The following CECR2 variants were observed in gnomAD, a reference collection of about 807,000 sequenced individuals.
CECR2 encodes the protein CECR2 histone acetyl-lysine reader.
CECR2 carries 30 observed loss-of-function variants against 154.5 expected under a neutral mutation model. The ratio of observed to expected loss-of-function variants is 0.19; its 90% CI spans 0.15 to 0.26. The LOEUF is 0.26. Ranked by LOEUF, CECR2 falls within the 10% of genes least tolerant of loss-of-function variation. The pLI is 1.00. For missense variants in CECR2, 1,743 were observed against 1,829.3 expected, an observed-to-expected ratio of 0.95 and a Z score of 0.86; for synonymous variants, 725 against 683.7, an observed-to-expected ratio of 1.06 and a Z score of -0.94.
intron 1 of CECR2, among the ~76,000 whole-genome samples, chr22:17,380,344 A>G (rs1166590506): frequency 6.6e-6 from 1 of 152,216 alleles, no homozygotes; most frequent in Non-Finnish European, 1.5e-5. Flanking sequence ...GCAAAAATAT[A>G]TAGAAGATAG....
At chr22:17,479,897 T>A (rs2055277327) in intron 2 of CECR2, among the ~76,000 whole-genome samples, 1 of 150,770 alleles carries the variant, frequency 6.6e-6, no homozygotes, top group South Asian at 2.1e-4. Context: ...CCTGAGTAGC[T>A]CAGGACAGGA....
intron 1 of CECR2, among the ~76,000 whole-genome samples, chr22:17,389,128 T>G (rs1256118791): frequency 6.6e-6 from 1 of 152,120 alleles, no homozygotes; most frequent in African/African-American, 2.4e-5. Flanking sequence ...AAACTTTATT[T>G]TTAAGTAATG....
chr22:17,458,319 G>A (rs975063397), intron 1 of CECR2, among the ~76,000 whole-genome samples: 1 of 151,704 alleles, frequency 6.6e-6, no homozygotes, highest in African/African-American at 2.4e-5. Flanking sequence ...AGAGGCTAAG[G>A]CAGAGAATTG....
chr22:17,408,360 C>G (rs1011790469), intron 1 of CECR2, among the ~76,000 whole-genome samples: 3 of 152,140 alleles, frequency 2.0e-5, no homozygotes, highest in African/African-American at 7.2e-5. Flanking sequence ...CATTCTTCCT[C>G]TTGCTAGCTG....
At chr22:17,532,024 G>A (rs2056362989) in intron 9 of CECR2, among the ~76,000 whole-genome samples, 2 of 152,026 alleles carry the variant, frequency 1.3e-5, no homozygotes, top group South Asian at 2.1e-4. Flanking sequence ...TTAAAAATTA[G>A]CCAGACATGG....
At chr22:17,551,906 A>G (rs1418242717) in intron 17 of CECR2, 125 bp from the exon 18 acceptor site, 10 of 850,834 alleles carry the variant, frequency 1.2e-5, no homozygotes, top group East Asian at 5.3e-5. Flanking sequence ...TTGTCCCAGT[A>G]TGGATGATTC....
intron 14 of CECR2, among the ~76,000 whole-genome samples, chr22:17,541,513 A>G (rs991025893): frequency 6.6e-6 from 1 of 152,272 alleles, no homozygotes; most frequent in Non-Finnish European, 1.5e-5. Context: ...ATGAATGTAC[A>G]GTATATCTGC....
intron 1 of CECR2, chr22:17,419,489 T>C (rs1212934334): frequency 1.1e-5 from 2 of 188,260 alleles, no homozygotes; most frequent in African/African-American, 3.2e-5. Context: ...AAACAGAGCC[T>C]CATCAGGAAG....
chr22:17,437,373 C>T (rs939590966), intron 1 of CECR2, among the ~76,000 whole-genome samples: 2 of 152,086 alleles, frequency 1.3e-5, no homozygotes, highest in Admixed American at 6.6e-5. Flanking sequence ...CAGGATCGGC[C>T]AGCTTAGTCT....
chr22:17,418,016 G>C (rs2054181019), intron 1 of CECR2, among the ~76,000 whole-genome samples: 1 of 151,906 alleles, frequency 6.6e-6, no homozygotes, highest in African/African-American at 2.4e-5. Context: ...TCATCTTTGA[G>C]GTATAATTTG....
In CECR2 at chr22:17,516,541, A is replaced by T. The variant is rs1342440438; in HGVS notation, c.954+4645A>T. Among the ~76,000 whole-genome samples, 6 of 152,060 alleles carry T rather than the reference A, an allele frequency of 3.9e-5. No homozygotes were observed. The East Asian group carries it at 1.2e-3, about 29-fold the overall frequency. Reference sequence around the variant, plus strand: ...CTGGTAGGAGGTGATGAATCATGGGATGGACTTCCCCCTTGCTGTTCTTGT... The same window carrying T: ...CTGGTAGGAGGTGATGAATCATGGGTTGGACTTCCCCCTTGCTGTTCTTGT... On this transcript the variant is annotated intron_variant, in intron 8 of 18. Coordinates refer to ENST00000262608, the MANE Select transcript of CECR2 (RefSeq NM_001290047.2).
At chr22:17,361,385 C>G (rs1468123683) in intron 1 of CECR2, among the ~76,000 whole-genome samples, 4 of 151,802 alleles carry the variant, frequency 2.6e-5, no homozygotes, top group Admixed American at 2.0e-4. Context: ...ACTCAGGAGG[C>G]TGAGGCAGGA....
chr22:17,418,930 G>A, intron 1 of CECR2: 1 of 202,024 alleles, frequency 4.9e-6, no homozygotes, highest in South Asian at 6.8e-5. Context: ...CTGGACTGGT[G>A]GAGCCAGCGA....
upstream of CECR2, among the ~76,000 whole-genome samples, chr22:17,368,537 A>G (rs560365034): frequency 4.1e-4 from 62 of 152,278 alleles, no homozygotes; most frequent in Non-Finnish European, 5.0e-4. Flanking sequence ...ACCGCGCTAC[A>G]GCAGTTAGCA....
rs757929527 is a variant in CECR2 at position 17,477,627 on chromosome 22, A to T, written c.166A>T (p.Ile56Phe). Residue 56 changes from isoleucine (I) to phenylalanine (F), a missense_variant, in exon 2 of 19, where the codon ATC becomes TTC. Physicochemically the swap from Ile to Phe is conservative, Grantham distance 21. Coordinates refer to ENST00000262608, the MANE Select transcript of CECR2 (RefSeq NM_001290047.2). ...TCTTCACAGAGATGACGTGGAGTTT[A>T]TCAGTGACCTGATTGCCTGCCTGCT... The part of the protein sequence containing the change: ...AALHRDDVEF[I>F]SDLIACLLQG... The T allele has an allele frequency of 1.2e-6, 2 of 1,613,744 alleles. No homozygotes were observed. Among genetic ancestry groups the T allele is most frequent in the South Asian group, 2.2e-5 (2 of 91,086 alleles).
chr22:17,539,780 T>G (rs911517312), intron 13 of CECR2, among the ~76,000 whole-genome samples: 17 of 152,154 alleles, frequency 1.1e-4, no homozygotes, highest in African/African-American at 3.9e-4. Flanking sequence ...CATTTTTTAT[T>G]TAGTATTTCT....
intron 1 of CECR2, among the ~76,000 whole-genome samples, chr22:17,436,681 G>A (rs189741525): frequency 1.8e-3 from 268 of 152,354 alleles, no homozygotes; most frequent in Non-Finnish European, 3.3e-3. Flanking sequence ...GAAGTCCTGC[G>A]GGACCAGTAT....
Position 17,464,997 on chromosome 22 carries a change from A to ATTTT in CECR2, c.127-12577_127-12574dup, listed in dbSNP as rs71770620. On this transcript the variant is annotated intron_variant, in intron 1 of 18. Coordinates refer to ENST00000262608, the MANE Select transcript of CECR2 (RefSeq NM_001290047.2). ...TGATCATTAAAACATCAATATTTAA[A>ATTTT]TTTTTTTTTTTTTTTTTGAGACGAA... Among the ~76,000 whole-genome samples, 13 of 140,926 alleles carry ATTTT rather than the reference A, an allele frequency of 9.2e-5. No individual in the cohort carries two copies. In the East Asian group the frequency reaches 1.9e-3, roughly 21 times the overall value. 92.5% of individuals were successfully genotyped at this position (140,926 alleles called of 152,430 possible).
intron 9 of CECR2, among the ~76,000 whole-genome samples, chr22:17,531,807 G>T (rs919425345): frequency 6.6e-6 from 1 of 152,186 alleles, no homozygotes; most frequent in African/African-American, 2.4e-5. Flanking sequence ...TGTGGAAAAG[G>T]TGGATTACCC....
Sources: gnomAD v4.1 joint callset for allele counts (sites outside exome capture counted in the v4.1 genomes callset) on GRCh38, gnomAD v4.1.1 for gene constraint, MANE v1.5 for transcripts, NCBI Gene and HGNC (gene_info 2026-07-23, HGNC 2026-07-21) for gene names.